Variants in SLC4A4 observed in about 807,000 individuals in gnomAD.
SLC4A4 encodes solute carrier family 4 member 4.
In SLC4A4, 27 loss-of-function variants were observed where a neutral mutation model predicts 111.5. The observed-to-expected ratio is 0.24, with a 90% confidence interval of 0.18 to 0.33. The LOEUF is 0.33. Ranked by LOEUF, SLC4A4 falls within the 10% of genes least tolerant of loss-of-function variation. The pLI is 1.00. For synonymous variants in SLC4A4, 443 were observed against 463.4 expected (o/e 0.96, Z 0.57); for missense variants, 909 against 1,315.5 (o/e 0.69, Z 4.78).
intron 6 of SLC4A4, among the ~76,000 whole-genome samples, chr4:71,376,156 TACACACACACACAC>T (rs146405766): frequency 7.4e-6 from 1 of 135,518 alleles, no homozygotes; most frequent in Non-Finnish European, 1.6e-5. Flanking sequence ...CCTGTATATA[TACACACACACACAC>T]ACACACACAC....
upstream of SLC4A4, among the ~76,000 whole-genome samples, chr4:71,184,453 G>T (rs1745391354): frequency 1.3e-5 from 2 of 152,092 alleles, no homozygotes; most frequent in African/African-American, 2.4e-5. Context: ...TGCCTATTAG[G>T]ACCTTGGATG....
intron 16 of SLC4A4, among the ~76,000 whole-genome samples, chr4:71,514,827 G>A (rs1478842203): frequency 6.6e-6 from 1 of 152,048 alleles, no homozygotes; most frequent in Non-Finnish European, 1.5e-5. Context: ...TGTTGTATGA[G>A]TTGTAATGTG....
At chr4:71,452,855 C>T (rs1009404175) in intron 11 of SLC4A4, among the ~76,000 whole-genome samples, 6 of 152,142 alleles carry the variant, frequency 3.9e-5, no homozygotes, top group African/African-American at 1.4e-4. Context: ...AAATTTCAAC[C>T]ACCTTTTTTC....
At chr4:71,233,215 T>C (rs1187960203) in intron 1 of SLC4A4, 3 of 950,424 alleles carry the variant, frequency 3.2e-6, no homozygotes, top group Non-Finnish European at 2.5e-6. Context: ...GCCTGCAACA[T>C]AGTAGTAGCA....
intron 3 of SLC4A4, among the ~76,000 whole-genome samples, chr4:71,279,034 A>T (rs1723293861): frequency 6.6e-6 from 1 of 152,212 alleles, no homozygotes; most frequent in Admixed American, 6.5e-5. Flanking sequence ...TACCATAATC[A>T]AGCTAATTTA....
At chr4:71,070,455 A>G (rs1741634910) in intron 1 of SLC4A4, among the ~76,000 whole-genome samples, 2 of 152,194 alleles carry the variant, frequency 1.3e-5, no homozygotes, top group Non-Finnish European at 2.9e-5. Flanking sequence ...GATGAAAGCA[A>G]TGTACGACAC....
At position 71,513,153 on chromosome 4, in the gene SLC4A4, A is replaced by AT. The variant is rs201869129; in HGVS notation, c.2166+15470dup. Reference sequence around the variant, plus strand: ...TTCTATATGAGTTTTATTAAATAGGATTTTTTTTTCTAATTCTGTGAAGGT... The same window carrying AT: ...TTCTATATGAGTTTTATTAAATAGGATTTTTTTTTTCTAATTCTGTGAAGGT... On this transcript the variant is annotated intron_variant, in intron 16 of 25. Coordinates refer to ENST00000264485, the MANE Select transcript of SLC4A4 (RefSeq NM_001098484.3). Among the ~76,000 whole-genome samples the AT allele has an allele frequency of 2.3e-3, 355 of 151,344 alleles. 1 individual carries two copies. Among genetic ancestry groups the AT allele is most frequent in the Non-Finnish European group, 3.7e-3 (253 of 67,778 alleles).
chr4:71,458,866 A>C (rs1726539089), intron 12 of SLC4A4, among the ~76,000 whole-genome samples: 1 of 152,052 alleles, frequency 6.6e-6, no homozygotes, highest in African/African-American at 2.4e-5. Context: ...TTTGGCACCA[A>C]AATGCATTTC....
chr4:71,374,730 T>C (rs1354682878), intron 6 of SLC4A4, among the ~76,000 whole-genome samples: 1 of 151,582 alleles, frequency 6.6e-6, no homozygotes, highest in Non-Finnish European at 1.5e-5. Flanking sequence ...TTGGAGGAGA[T>C]TTCAAGAGGC....
chr4:71,531,520 T>C (rs1039108903), intron 16 of SLC4A4, among the ~76,000 whole-genome samples: 10 of 152,100 alleles, frequency 6.6e-5, no homozygotes, highest in African/African-American at 2.4e-4. Flanking sequence ...GGACAGAAAC[T>C]TCTAAGCCCT....
chr4:71,343,154 A>G (rs1007269470), intron 4 of SLC4A4, among the ~76,000 whole-genome samples: 1 of 152,142 alleles, frequency 6.6e-6, no homozygotes, highest in African/African-American at 2.4e-5. Context: ...CATTTGTTTA[A>G]TGTGTGATTG....
intron 1 of SLC4A4, among the ~76,000 whole-genome samples, chr4:71,199,877 C>CTG (rs750945518): frequency 7.9e-5 from 12 of 152,160 alleles, no homozygotes; most frequent in Non-Finnish European, 1.8e-4. Context: ...TCTCGAACCC[C>CTG]TGACCTCAGG....
At chr4:71,533,935 G>C (rs1578132036) in intron 17 of SLC4A4, among the ~76,000 whole-genome samples, 1 of 151,848 alleles carries the variant, frequency 6.6e-6, no homozygotes, top group East Asian at 1.9e-4. Context: ...ACTTAAATCA[G>C]TTTCTTCCAT....
At chr4:71,108,335 T>C (rs929655481) in intron 2 of SLC4A4, among the ~76,000 whole-genome samples, 1 of 152,188 alleles carries the variant, frequency 6.6e-6, no homozygotes, top group Admixed American at 6.6e-5. Flanking sequence ...AGGGCAATTC[T>C]AGTGCCTCAA....
At chr4:71,173,493 G>A (rs1197869232) in intron 2 of SLC4A4, among the ~76,000 whole-genome samples, 1 of 152,182 alleles carries the variant, frequency 6.6e-6, no homozygotes, top group Non-Finnish European at 1.5e-5. Flanking sequence ...TGATTCTCCT[G>A]CCTCAGCCTC....
intron 3 of SLC4A4, among the ~76,000 whole-genome samples, chr4:71,312,822 A>G (rs757249111): frequency 1.3e-5 from 2 of 152,214 alleles, no homozygotes; most frequent in African/African-American, 2.4e-5. Context: ...TATCATACTG[A>G]ATGGGCAAAA....
At chr4:71,152,397 A>T (rs1047534162) in intron 2 of SLC4A4, among the ~76,000 whole-genome samples, 1 of 152,194 alleles carries the variant, frequency 6.6e-6, no homozygotes, top group Admixed American at 6.6e-5. Context: ...TCAACATTAC[A>T]TTTGGGGGAT....
At chr4:71,064,788 G>C (rs1741473665) in intron 1 of SLC4A4, among the ~76,000 whole-genome samples, 1 of 152,184 alleles carries the variant, frequency 6.6e-6, no homozygotes, top group African/African-American at 2.4e-5. Flanking sequence ...TTTAGCATCT[G>C]ATAGACCTAG....
intron 6 of SLC4A4, among the ~76,000 whole-genome samples, chr4:71,374,296 C>T (rs1050954596): frequency 3.9e-5 from 6 of 152,112 alleles, no homozygotes; most frequent in African/African-American, 1.2e-4. Flanking sequence ...ACCATTTCCA[C>T]GTATATTTTT....
Sources: allele counts gnomAD v4.1 joint callset (sites outside exome capture counted in the v4.1 genomes callset), GRCh38; gene constraint gnomAD v4.1.1; transcripts MANE v1.5; gene names NCBI Gene and HGNC (gene_info 2026-07-23, HGNC 2026-07-21).